The following SLC25A25 variants were observed in gnomAD, a reference collection of about 807,000 sequenced individuals.
SLC25A25 encodes solute carrier family 25 member 25.
In SLC25A25, 32 loss-of-function variants were observed where a neutral mutation model predicts 57.7. That is an observed-to-expected ratio of 0.55 (90% CI 0.42 to 0.74). The LOEUF is 0.74. SLC25A25 is among the 30% of genes least tolerant of loss of function. The pLI, the probability that SLC25A25 is intolerant of heterozygous loss-of-function variation, is 0.00. For missense variants in SLC25A25, 556 were observed against 701.3 expected (o/e 0.79, Z 2.34); for synonymous variants, 306 against 291.2 (o/e 1.05, Z -0.52).
At chr9:128,077,315 CAG>C (rs1833036445) in intron 1 of SLC25A25, among the ~76,000 whole-genome samples, 1 of 151,804 alleles carries the variant, frequency 6.6e-6, no homozygotes, top group African/African-American at 2.4e-5. Context: ...ATCACGAGGT[CAG>C]GGGATCGATA....
intron 1 of SLC25A25, among the ~76,000 whole-genome samples, chr9:128,075,462 C>T (rs931659140): frequency 2.6e-5 from 4 of 151,866 alleles, no homozygotes; most frequent in South Asian, 2.1e-4. Flanking sequence ...ATGGGTGGAT[C>T]GCTTGAGCTC....
chr9:128,106,931 G>C (rs1795543362), intron 9 of SLC25A25, 98 bp from the exon 10 acceptor site: 1 of 1,448,690 alleles, frequency 6.9e-7, no homozygotes, highest in Admixed American at 2.0e-5. Flanking sequence ...AGGCGCGGCA[G>C]TCGGGTTCCA....
intron 1 of SLC25A25, among the ~76,000 whole-genome samples, chr9:128,075,260 CTG>C (rs958104766): frequency 1.3e-5 from 2 of 151,782 alleles, no homozygotes; most frequent in African/African-American, 2.4e-5. Context: ...TGAGCAGAGA[CTG>C]TGCCACTGCA....
chr9:128,089,294 A>G (rs10987871), intron 1 of SLC25A25, among the ~76,000 whole-genome samples: 22,565 of 152,134 alleles, frequency 0.15, 1,765 homozygotes, highest in South Asian at 0.25. Context: ...AGATAATAAT[A>G]ATAAAATAGC....
intron 1 of SLC25A25, among the ~76,000 whole-genome samples, chr9:128,090,061 C>T (rs1048517770): frequency 6.6e-6 from 1 of 152,154 alleles, no homozygotes; most frequent in Non-Finnish European, 1.5e-5. Flanking sequence ...CTGCCTTTCT[C>T]CTCTCAAAGC....
intron 1 of SLC25A25, among the ~76,000 whole-genome samples, chr9:128,087,282 A>G (rs1833299330): frequency 6.6e-6 from 1 of 152,092 alleles, no homozygotes; most frequent in African/African-American, 2.4e-5. Flanking sequence ...TTTGAGACGG[A>G]GTCTCACTCT....
At position 128,107,271 on chromosome 9, in the gene SLC25A25, G is replaced by T. The variant is rs1346407843; in HGVS notation, c.1375G>T (p.Gly459Cys). The change falls in exon 11 of 11, where the codon GGC (glycine) becomes TGC (cysteine). Residue 459 changes from glycine (G) to cysteine (C), a missense_variant. Physicochemically the swap from Gly to Cys is radical, Grantham distance 159 (BLOSUM62 -3). This residue lies in a region of SLC25A25 where 294 missense variants were observed against 389.6 expected (regional missense o/e 0.75). Transcript: ENST00000373069. ...TRMQAQASIE[G>C]APEVTMSSLF... ...CCTCCATCCTGCAGCCTCTATTGAG[G>T]GCGCTCCGGAGGTGACCATGAGCAG... is the stretch of plus-strand genomic sequence containing the variant. 6.2e-7 allele frequency: 1 copy of T among 1,601,382 alleles called. No homozygotes were observed. The highest frequency in any genetic ancestry group is 8.5e-7 in the Non-Finnish European group (1 of 1,171,320).
intron 6 of SLC25A25, among the ~76,000 whole-genome samples, chr9:128,105,070 G>A (rs1288735456): frequency 4.0e-5 from 6 of 150,318 alleles, no homozygotes; most frequent in African/African-American, 1.2e-4. Context: ...TGTTGGCCAG[G>A]CTGGTCTCAC....
intron 8 of SLC25A25, 39 bp downstream of exon 8, chr9:128,106,296 C>G: frequency 1.2e-6 from 2 of 1,603,510 alleles, no homozygotes; most frequent in Non-Finnish European, 1.7e-6. Context: ...GCAGTGGGCA[C>G]AGGACTGGGG....
rs373324378 is a variant in SLC25A25, at chr9:128,073,177, T to C, written c.261+4597T>C. ...CAAGGAAATTGGACCAGAGAAGGAATTGGAACCATCTTCTGATTCCTGCTC... is the reference window on the plus strand; with the variant it reads ...CAAGGAAATTGGACCAGAGAAGGAACTGGAACCATCTTCTGATTCCTGCTC... On this transcript the variant is annotated intron_variant, in intron 1 of 10. Coordinates refer to ENST00000373069, the MANE Select transcript of SLC25A25 (RefSeq NM_001330988.2). 6.6e-5 allele frequency among the ~76,000 whole-genome samples: 10 copies of C among 152,324 alleles called. No individual in the cohort carries two copies. The East Asian group carries it at 1.7e-3, about 26-fold the overall frequency.
At chr9:128,097,330 G>A (rs1255544527) in intron 1 of SLC25A25, among the ~76,000 whole-genome samples, 2 of 152,236 alleles carry the variant, frequency 1.3e-5, no homozygotes, top group Non-Finnish European at 2.9e-5. Flanking sequence ...TCGTTCTCGA[G>A]CTGTGTTGCC....
At chr9:128,093,466 C>G (rs1023486937) in intron 1 of SLC25A25, among the ~76,000 whole-genome samples, 1 of 152,192 alleles carries the variant, frequency 6.6e-6, no homozygotes, top group Non-Finnish European at 1.5e-5. Context: ...TACAGTACCC[C>G]CTTGCCAGCT....
chr9:128,103,898 C>G lies in SLC25A25; in HGVS notation c.783+59C>G, dbSNP rs1247124106. ...GCCAGTTTCCACCTGGGGGATGCTG[C>G]TTGGCTAGTTTTCCCTTTCTCTGGC... On this transcript the variant is annotated intron_variant, in intron 6 of 10. Transcript: ENST00000373069. This position sits in a 1 kb window ranked among gnomAD's most constrained non-coding sequence, Gnocchi z 6.7. 2 of 1,468,902 alleles carry G rather than the reference C, an allele frequency of 1.4e-6. No homozygotes were observed. The highest frequency in any genetic ancestry group is 2.9e-5 in the African/African-American group (2 of 69,960). The allele number at this position is 1,468,902 out of a possible 1,614,324, so 91.0% of individuals were successfully genotyped here. A position where few individuals can be genotyped will look rare whatever the true frequency, so the allele number is the denominator to read the frequency against.
rs755015821 is a variant in SLC25A25 at position 128,105,851 on chromosome 9, A to G, written c.906A>G (p.Glu302=). The change falls in exon 7 of 11, where the codon GAA becomes GAG. Residue 302 remains glutamate, a synonymous_variant. Transcript: ENST00000373069. The part of the protein sequence containing the change: ...NGINVLKIAP[E]SAIKFMAYEQ... ...TCAACGTCCTCAAAATTGCCCCCGA[A>G]TCAGCCATCAAATTCATGGCCTATG... 8.1e-6 allele frequency: 13 copies of G among 1,614,094 alleles called. No individual in the cohort carries two copies. In the Middle Eastern group the frequency reaches 4.9e-4, roughly 61 times the overall value.
In SLC25A25 at chr9:128,080,568, C is replaced by T. The variant is rs372967739; in HGVS notation, c.261+11988C>T. On this transcript the variant is annotated intron_variant, in intron 1 of 10. Transcript: ENST00000373069. Reference sequence around the variant, plus strand: ...TGGAGTAGCTGGGATTACAGGCATGCGCCACCGTGCCCGGCTAATTTTTTT... The same window carrying T: ...TGGAGTAGCTGGGATTACAGGCATGTGCCACCGTGCCCGGCTAATTTTTTT... 2.5e-4 allele frequency among the ~76,000 whole-genome samples: 38 copies of T among 150,314 alleles called. 2 individuals carry two copies. The highest frequency in any genetic ancestry group is 6.6e-4 in the African/African-American group (27 of 40,900).
In SLC25A25 at chr9:128,076,496, C is replaced by T. The variant is rs1833019226; in HGVS notation, c.261+7916C>T. Among the ~76,000 whole-genome samples, 4 of 147,862 alleles carry T rather than the reference C, an allele frequency of 2.7e-5. No homozygotes were observed. In the South Asian group the frequency reaches 8.5e-4, roughly 32 times the overall value. On this transcript the variant is annotated intron_variant, in intron 1 of 10. Coordinates refer to ENST00000373069, the MANE Select transcript of SLC25A25 (RefSeq NM_001330988.2). ...TTTATTTTTTTTTGAGACAGAGTCT[C>T]TCTCTCTCGCCCAGGCTGGAGTGCA...
chr9:128,071,046 C>T (rs1449681488), intron 1 of SLC25A25, among the ~76,000 whole-genome samples: 1 of 152,180 alleles, frequency 6.6e-6, no homozygotes, highest in Admixed American at 6.5e-5. Context: ...AACCTACCCA[C>T]TTGGCATTGC....
chr9:128,106,612 A>G (rs1439895426), intron 9 of SLC25A25, 92 bp downstream of exon 9: 2 of 1,420,516 alleles, frequency 1.4e-6, no homozygotes, highest in African/African-American at 2.9e-5. Flanking sequence ...TTAGTGCAGG[A>G]AACTGCATCA....
intron 1 of SLC25A25, among the ~76,000 whole-genome samples, chr9:128,075,175 G>A (rs966691522): frequency 6.6e-6 from 1 of 152,068 alleles, no homozygotes; most frequent in African/African-American, 2.4e-5. Context: ...GGGCATGGTG[G>A]CCCATGCCTG....
Sources: allele counts gnomAD v4.1 joint callset (sites outside exome capture counted in the v4.1 genomes callset), GRCh38; gene constraint gnomAD v4.1.1; regional missense constraint gnomAD v4.1.1; non-coding constraint Gnocchi (gnomAD v3.1); transcripts MANE v1.5; gene names NCBI Gene and HGNC (gene_info 2026-07-23, HGNC 2026-07-21).